ANKMY2: variants seen among roughly 807,000 people sequenced by gnomAD.
ANKMY2 encodes the protein ankyrin repeat and MYND domain-containing protein 2.
In ANKMY2, 36 loss-of-function variants were observed where a neutral mutation model predicts 50.4. The observed-to-expected ratio is 0.71, with a 90% CI of 0.55 to 0.94. The LOEUF is 0.94. ANKMY2 is among the 40% of genes least tolerant of loss of function. The pLI, the probability that ANKMY2 is intolerant of heterozygous loss-of-function variation, is 0.00. For synonymous variants in ANKMY2, 187 were observed against 178.8 expected (o/e 1.05, Z -0.36); for missense variants, 565 against 524.0 (o/e 1.08, Z -0.76).
intron 5 of ANKMY2, among the ~76,000 whole-genome samples, chr7:16,612,023 T>C (rs1298030649): frequency 6.6e-6 from 1 of 152,214 alleles, no homozygotes; most frequent in Non-Finnish European, 1.5e-5. Context: ...TCCACCTGTC[T>C]AATTCTTCCT....
chr7:16,611,829 C>G (rs561912169), intron 5 of ANKMY2, among the ~76,000 whole-genome samples: 1 of 152,216 alleles, frequency 6.6e-6, no homozygotes, highest in East Asian at 1.9e-4. Context: ...TCACTTTAAC[C>G]TTTTTTACAT....
intron 5 of ANKMY2, among the ~76,000 whole-genome samples, chr7:16,612,833 A>G (rs891494758): frequency 8.5e-5 from 13 of 152,224 alleles, no homozygotes; most frequent in African/African-American, 2.9e-4. Context: ...ATGAAGTAAT[A>G]TATTATAAAG....
intron 2 of ANKMY2, among the ~76,000 whole-genome samples, chr7:16,635,487 A>T (rs145673873): frequency 6.6e-6 from 1 of 152,318 alleles, no homozygotes; most frequent in Admixed American, 6.5e-5. Context: ...TACACCTTAA[A>T]TATGTATAGC....
intron 7 of ANKMY2, among the ~76,000 whole-genome samples, chr7:16,606,427 T>TC (rs1781163060): frequency 3.1e-5 from 2 of 64,918 alleles, no homozygotes; most frequent in African/African-American, 1.3e-4. Context: ...AGACCTTGTA[T>TC]TTAAAAAAAA....
intron 7 of ANKMY2, among the ~76,000 whole-genome samples, chr7:16,605,497 T>A (rs938318702): frequency 6.6e-6 from 1 of 151,804 alleles, no homozygotes; most frequent in African/African-American, 2.4e-5. Context: ...ATATTTATAA[T>A]TTTTATCTAT....
intron 7 of ANKMY2, among the ~76,000 whole-genome samples, chr7:16,607,517 G>C (rs1383518699): frequency 6.6e-6 from 1 of 151,970 alleles, no homozygotes. Context: ...GTAATGAGCT[G>C]AGATTGCGCC....
At chr7:16,614,075 A>G (rs1397726701) in intron 5 of ANKMY2, among the ~76,000 whole-genome samples, 1 of 152,144 alleles carries the variant, frequency 6.6e-6, no homozygotes, top group Non-Finnish European at 1.5e-5. Flanking sequence ...TGGAGGAACA[A>G]GAGTCTTACA....
intron 3 of ANKMY2, among the ~76,000 whole-genome samples, chr7:16,625,340 A>C (rs947294154): frequency 6.6e-6 from 1 of 152,234 alleles, no homozygotes; most frequent in Admixed American, 6.5e-5. Context: ...CTTTTTAAAC[A>C]AAATGAAATA....
intron 4 of ANKMY2, among the ~76,000 whole-genome samples, chr7:16,623,429 G>T (rs1219689195): frequency 6.6e-6 from 1 of 152,124 alleles, no homozygotes; most frequent in African/African-American, 2.4e-5. Flanking sequence ...CCTGAAAGAA[G>T]AGACTCCTCC....
chr7:16,621,779 G>A (rs1490815642), intron 4 of ANKMY2, among the ~76,000 whole-genome samples: 1 of 151,958 alleles, frequency 6.6e-6, no homozygotes, highest in Non-Finnish European at 1.5e-5. Context: ...GACCAGCCTG[G>A]CCAACATGGC....
chr7:16,609,456 G>T (rs1781210517), intron 7 of ANKMY2, among the ~76,000 whole-genome samples, 174 bp downstream of exon 7: 1 of 152,178 alleles, frequency 6.6e-6, no homozygotes, highest in African/African-American at 2.4e-5. Context: ...AGGATCGTGA[G>T]ATGGGAAATA....
rs548938514 is a variant in ANKMY2 at position 16,619,420 on chromosome 7, C to T, written c.371-3516G>A. 4.6e-5 allele frequency among the ~76,000 whole-genome samples: 7 copies of T among 152,266 alleles called. No homozygotes were observed. In the South Asian group the frequency reaches 1.5e-3, roughly 32 times the overall value. ...CCGCCCGCCTTGGCCTCCCAAAGTG[C>T]TGGGATTACAGGCGTGAGCTACTGT... On this transcript the variant is annotated intron_variant, in intron 4 of 9. Coordinates refer to ENST00000306999, the MANE Select transcript of ANKMY2 (RefSeq NM_020319.3).
chr7:16,638,138 C>A (rs1241806610), intron 1 of ANKMY2, among the ~76,000 whole-genome samples: 1 of 152,218 alleles, frequency 6.6e-6, no homozygotes, highest in South Asian at 2.1e-4. Context: ...TATGGGGTTT[C>A]CCCCATAAAC....
chr7:16,643,465 C>T (rs1781772516), intron 1 of ANKMY2, among the ~76,000 whole-genome samples: 1 of 152,206 alleles, frequency 6.6e-6, no homozygotes, highest in Non-Finnish European at 1.5e-5. Flanking sequence ...GAATGCATCA[C>T]ATACTAGGTC....
At chr7:16,609,253 C>A (rs1781207297) in intron 7 of ANKMY2, among the ~76,000 whole-genome samples, 1 of 152,044 alleles carries the variant, frequency 6.6e-6, no homozygotes, top group South Asian at 2.1e-4. Flanking sequence ...GACACTATCC[C>A]CCTAGGTGAT....
intron 8 of ANKMY2, among the ~76,000 whole-genome samples, chr7:16,604,446 T>C (rs1206599992): frequency 6.6e-6 from 1 of 152,252 alleles, no homozygotes; most frequent in Non-Finnish European, 1.5e-5. Flanking sequence ...TCTTATTTTC[T>C]CATATTCATT....
intron 1 of ANKMY2, among the ~76,000 whole-genome samples, chr7:16,642,355 T>C (rs1339135761): frequency 6.6e-6 from 1 of 152,214 alleles, no homozygotes; most frequent in African/African-American, 2.4e-5. Flanking sequence ...TGATTTCAAT[T>C]TCCTCTTACA....
At position 16,627,034 on chromosome 7, in the gene ANKMY2, C is replaced by T. The variant is rs761397022; in HGVS notation, c.271+6G>A. On this transcript the variant is annotated splice_donor_region_variant and intron_variant, in intron 3 of 9. Coordinates refer to ENST00000306999, the MANE Select transcript of ANKMY2 (RefSeq NM_020319.3). ...TAACTTATATTTATAAATACTAAAA[C>T]TTCACCAGAAAGTGCAGCAAACATG... The T allele has an allele frequency of 6.3e-7, 1 of 1,591,672 alleles. No individual in the cohort carries two copies. Among genetic ancestry groups the T allele is most frequent in the Non-Finnish European group, 8.5e-7 (1 of 1,170,404 alleles).
chr7:16,611,702 G>A (rs1583670459), intron 5 of ANKMY2, among the ~76,000 whole-genome samples: 1 of 152,158 alleles, frequency 6.6e-6, no homozygotes. Context: ...TTGAGAACTT[G>A]TCTTCCTGTT....
Sources: gnomAD v4.1 joint callset for allele counts (sites outside exome capture counted in the v4.1 genomes callset) on GRCh38, gnomAD v4.1.1 for gene constraint, MANE v1.5 for transcripts, NCBI Gene and HGNC (gene_info 2026-07-23, HGNC 2026-07-21) for gene names.